Variants in ANKDD1A observed in about 807,000 individuals in gnomAD.
ANKDD1A encodes ankyrin repeat and death domain containing 1A.
In ANKDD1A, 59 loss-of-function variants were observed where a neutral mutation model predicts 63.5. That is an observed-to-expected ratio of 0.93 (90% CI 0.75 to 1.15). The LOEUF (loss-of-function observed/expected upper bound fraction) is 1.15. Ranked by LOEUF, ANKDD1A falls within the 50% of genes most tolerant of loss-of-function variation. ANKDD1A has a pLI of 0.00. For missense variants in ANKDD1A, 632 were observed against 656.4 expected, an observed-to-expected ratio of 0.96 and a Z score of 0.41; for synonymous variants, 266 against 263.9, an observed-to-expected ratio of 1.01 and a Z score of -0.08.
chr15:64,920,664 A>G (rs937527053), intron 3 of ANKDD1A, among the ~76,000 whole-genome samples: 26 of 151,926 alleles, frequency 1.7e-4, no homozygotes, highest in Non-Finnish European at 4.4e-5. Context: ...TGATCCTCTC[A>G]TCTCAGTCTC....
chr15:64,915,033 T>C (rs1484969116), intron 1 of ANKDD1A, among the ~76,000 whole-genome samples: 1 of 152,048 alleles, frequency 6.6e-6, no homozygotes, highest in East Asian at 1.9e-4. Flanking sequence ...GGCTGGGCGC[T>C]GTGGCTCACG....
chr15:64,939,386 A>G (rs936478253), intron 9 of ANKDD1A, among the ~76,000 whole-genome samples: 11 of 152,158 alleles, frequency 7.2e-5, no homozygotes, highest in African/African-American at 2.6e-4. Context: ...CACTTTGAGA[A>G]GTCGAGATGC....
intron 10 of ANKDD1A, 48 bp from the exon 11 acceptor site, chr15:64,943,436 C>T (rs1027979201): frequency 6.6e-7 from 1 of 1,519,236 alleles, no homozygotes; most frequent in Non-Finnish European, 9.1e-7. Flanking sequence ...GGTAGTGGGC[C>T]ACCCCTACAT....
intron 1 of ANKDD1A, among the ~76,000 whole-genome samples, chr15:64,915,311 G>A (rs2084960962): frequency 6.6e-6 from 1 of 152,160 alleles, no homozygotes; most frequent in Admixed American, 6.5e-5. Context: ...AAGGGGTGGA[G>A]GAACAAGGAG....
chr15:64,952,096 TCTTC>T (rs1190273832), intron 14 of ANKDD1A, among the ~76,000 whole-genome samples: 38 of 66,354 alleles, frequency 5.7e-4, no homozygotes, highest in East Asian at 1.1e-3. Context: ...TTCTTCCTCT[TCTTC>T]CTTCTTTTCT....
chr15:64,953,272 TCTTCTTTCCTTCTTC>T (rs2085335814), intron 14 of ANKDD1A, among the ~76,000 whole-genome samples: 1 of 150,358 alleles, frequency 6.7e-6, no homozygotes, highest in African/African-American at 2.4e-5. Context: ...TAGTTCTTCC[TCTTCTTTCCTTCTTC>T]CTTCTTTCTT....
rs558236897 is a variant in ANKDD1A, at chr15:64,935,758, C to A, written c.867+1524C>A. ...ACTTGGGAGGCTGAAGCACGAGAAT[C>A]ACTTGAACCCAGGAGGCAGAAGTTG... is the stretch of plus-strand genomic sequence containing the variant. On this transcript the variant is annotated intron_variant, in intron 9 of 14. Transcript: ENST00000319580. 2.6e-5 allele frequency among the ~76,000 whole-genome samples: 4 copies of A among 151,114 alleles called. No individual in the cohort carries two copies. The East Asian group carries it at 5.9e-4, about 22-fold the overall frequency.
intron 14 of ANKDD1A, chr15:64,951,375 TTC>T (rs1386438499): frequency 1.6e-5 from 7 of 439,890 alleles, no homozygotes; most frequent in African/African-American, 6.9e-5. Flanking sequence ...TCTTTCTTCT[TTC>T]TTTTTCTTTT....
chr15:64,951,797 TTTCCTCTTTTCTTCTTTC>T (rs1347614224), intron 14 of ANKDD1A, among the ~76,000 whole-genome samples: 13 of 148,766 alleles, frequency 8.7e-5, no homozygotes, highest in Admixed American at 5.3e-4. Context: ...TCCTTCTTTC[TTTCCTCTTTTCTTCTTTC>T]TTCCTCTTCT....
chr15:64,953,628 T>TTCTTTC (rs1472903050), intron 14 of ANKDD1A, among the ~76,000 whole-genome samples: 2,179 of 125,714 alleles, frequency 0.017, 64 homozygotes, highest in Middle Eastern at 0.065. Context: ...CTTCTTCTTC[T>TTCTTTC]TCCTTCTTCT....
chr15:64,913,773 C>T (rs897610067), intron 1 of ANKDD1A, among the ~76,000 whole-genome samples: 1 of 152,194 alleles, frequency 6.6e-6, no homozygotes, highest in African/African-American at 2.4e-5. Flanking sequence ...ACACTCGTCA[C>T]CTGTCCCTGG....
At chr15:64,950,847 G>C (rs2085264699) in intron 14 of ANKDD1A, 3 of 1,105,236 alleles carry the variant, frequency 2.7e-6, no homozygotes, top group African/African-American at 1.7e-5. Context: ...CTTAAATATA[G>C]TTGTTACATC....
intron 14 of ANKDD1A, among the ~76,000 whole-genome samples, chr15:64,952,503 C>T (rs2085309984): frequency 1.2e-5 from 1 of 85,728 alleles, no homozygotes; most frequent in African/African-American, 4.5e-5. Context: ...CCGTCTTCTC[C>T]TTCTTCTTAC....
intron 14 of ANKDD1A, among the ~76,000 whole-genome samples, chr15:64,954,534 CCTT>C (rs1446768275): frequency 0.045 from 942 of 20,704 alleles, 3 homozygotes; most frequent in South Asian, 0.16. Context: ...CCTTCTTCCT[CCTT>C]CTCCTTCTTC....
At chr15:64,951,720 C>CGTTCTTCCTTCCTTTTCTTTTTCTTT (rs1276132353) in intron 14 of ANKDD1A, among the ~76,000 whole-genome samples, 1 of 136,252 alleles carries the variant, frequency 7.3e-6, no homozygotes, top group Non-Finnish European at 1.6e-5. Context: ...TCTTTTTCTT[C>CGTTCTTCCTTCCTTTTCTTTTTCTTT]CCTTTTCTTC....
intron 9 of ANKDD1A, among the ~76,000 whole-genome samples, chr15:64,934,864 C>T (rs1184639017): frequency 6.6e-6 from 1 of 151,946 alleles, no homozygotes; most frequent in Non-Finnish European, 1.5e-5. Flanking sequence ...TATCTGTCCA[C>T]TTAATTGTTA....
intron 11 of ANKDD1A, among the ~76,000 whole-genome samples, chr15:64,944,328 T>A (rs542558215): frequency 2.0e-5 from 3 of 152,206 alleles, no homozygotes; most frequent in South Asian, 4.1e-4. Flanking sequence ...TCTGATTTCT[T>A]CATCTGAAAA....
chr15:64,954,602 TCTTCCTCCTC>T (rs1358389199), intron 14 of ANKDD1A, among the ~76,000 whole-genome samples: 3 of 143,776 alleles, frequency 2.1e-5, no homozygotes, highest in Admixed American at 7.2e-5. Flanking sequence ...TTCTTCTCCT[TCTTCCTCCTC>T]CTTCCTCTTT....
At chr15:64,918,736 C>A (rs1283787163) in intron 3 of ANKDD1A, among the ~76,000 whole-genome samples, 1 of 152,058 alleles carries the variant, frequency 6.6e-6, no homozygotes, top group Non-Finnish European at 1.5e-5. Flanking sequence ...GGAGGATCAC[C>A]TGAGGTCAGG....
Sources: gnomAD v4.1 joint callset for allele counts (sites outside exome capture counted in the v4.1 genomes callset) on GRCh38, gnomAD v4.1.1 for gene constraint, MANE v1.5 for transcripts, NCBI Gene and HGNC (gene_info 2026-07-23, HGNC 2026-07-21) for gene names.